Variants in CAMSAP2 observed in about 807,000 individuals in gnomAD.
The protein encoded by CAMSAP2 is calmodulin regulated spectrin associated protein family member 2.
CAMSAP2 carries 26 observed loss-of-function variants against 146.1 expected under a neutral mutation model. The ratio of observed to expected loss-of-function variants is 0.18; its 90% CI spans 0.13 to 0.25. The LOEUF (loss-of-function observed/expected upper bound fraction) is 0.25. Among genes scored for constraint, CAMSAP2 ranks in the 10% least tolerant of loss-of-function variants. The pLI, the probability that CAMSAP2 is intolerant of heterozygous loss-of-function variation, is 1.00. For synonymous variants in CAMSAP2, 499 were observed against 596.6 expected (o/e 0.84, Z 2.38); for missense variants, 1,381 against 1,759.3 (o/e 0.78, Z 3.85).
chr1:200,807,655 G>T (rs1666215721), intron 3 of CAMSAP2, 118 bp downstream of exon 3: 3 of 535,982 alleles, frequency 5.6e-6, no homozygotes, highest in Admixed American at 4.2e-5. Flanking sequence ...AACTTAAGTT[G>T]TAAAATACAC....
chr1:200,760,069 G>A (rs1386735204), intron 1 of CAMSAP2, among the ~76,000 whole-genome samples: 1 of 152,150 alleles, frequency 6.6e-6, no homozygotes, highest in Non-Finnish European at 1.5e-5. Context: ...GTAGTGGCTA[G>A]CAGGAAAGAG....
intron 2 of CAMSAP2, among the ~76,000 whole-genome samples, chr1:200,791,575 G>A (rs538789619): frequency 2.8e-4 from 42 of 152,024 alleles, no homozygotes; most frequent in Middle Eastern, 3.4e-3. Context: ...TTATGCTTTA[G>A]TTGGATAGCT....
intron 1 of CAMSAP2, among the ~76,000 whole-genome samples, chr1:200,746,836 T>A (rs186735008): frequency 3.3e-5 from 5 of 152,094 alleles, no homozygotes; most frequent in Non-Finnish European, 5.9e-5. Flanking sequence ...GCCAGGATGG[T>A]CTTGATCTCC....
At chr1:200,782,215 A>G (rs985250598) in intron 2 of CAMSAP2, among the ~76,000 whole-genome samples, 1 of 152,208 alleles carries the variant, frequency 6.6e-6, no homozygotes, top group Non-Finnish European at 1.5e-5. Context: ...GTGGTAAGAA[A>G]TGAAGTATTA....
intron 2 of CAMSAP2, among the ~76,000 whole-genome samples, chr1:200,769,415 G>C (rs372196452): frequency 2.6e-5 from 4 of 152,102 alleles, no homozygotes; most frequent in East Asian, 3.9e-4. Flanking sequence ...GGACACCAGT[G>C]GGGTGTCCTC....
intron 2 of CAMSAP2, among the ~76,000 whole-genome samples, chr1:200,767,634 T>A (rs1664992666): frequency 6.6e-6 from 1 of 152,168 alleles, no homozygotes; most frequent in South Asian, 2.1e-4. Context: ...ATTATATAAA[T>A]GTAGTATTGT....
chr1:200,841,091 G>A (rs1667311786), intron 6 of CAMSAP2, among the ~76,000 whole-genome samples: 1 of 151,988 alleles, frequency 6.6e-6, no homozygotes, highest in African/African-American at 2.4e-5. Context: ...TAACATTGTT[G>A]ACTTATTGAT....
intron 8 of CAMSAP2, among the ~76,000 whole-genome samples, chr1:200,846,902 T>C (rs1667472379): frequency 6.6e-6 from 1 of 152,198 alleles, no homozygotes; most frequent in Admixed American, 6.6e-5. Context: ...TATTTCAAAT[T>C]GGTGAGTTTC....
Position 200,832,333 on chromosome 1 carries a change from G to C in CAMSAP2, c.779G>C (p.Arg260Thr), listed in dbSNP as rs1401993770. Residue 260 changes from arginine (R) to threonine (T), a missense_variant, in exon 5 of 17, where the codon AGA (arginine) becomes ACA (threonine). Arg to Thr is a moderately conservative substitution (Grantham distance 71). This residue lies in a region of CAMSAP2 where 284 missense variants were observed against 406.9 expected (regional missense o/e 0.70). Coordinates refer to ENST00000358823, the MANE Select transcript of CAMSAP2 (RefSeq NM_203459.4). The surrounding 1 kb of genome is among the most constrained non-coding windows in gnomAD (Gnocchi z 4.2). The part of the protein sequence containing the change: ...LIHFYCPDVV[R>T]LEDICLKETM... ...CATTTTTACTGTCCTGATGTTGTCA[G>C]ATTAGAGGGTAAGTGTTCCATTGTA... 6.2e-7 allele frequency: 1 copy of C among 1,610,076 alleles called. No individual in the cohort carries two copies. The highest frequency in any genetic ancestry group is 8.5e-7 in the Non-Finnish European group (1 of 1,178,600).
rs765162660 is a variant in CAMSAP2, at chr1:200,815,599, A to G, written c.600A>G (p.Gln200=). Residue 200 remains glutamine (Q), a synonymous_variant, in exon 4 of 17, where the codon CAA becomes CAG. Coordinates refer to ENST00000358823, the MANE Select transcript of CAMSAP2 (RefSeq NM_203459.4). ...TGAAAGACATAATGGAACAAGAACAAAAACTGAAAGAACATCACACAGTTG... is the reference window on the plus strand; with the variant it reads ...TGAAAGACATAATGGAACAAGAACAGAAACTGAAAGAACATCACACAGTTG... ...EHLKDIMEQE[Q]KLKEHHTVEA... is the part of the protein sequence containing the mutation. 3 of 1,578,544 alleles carry G rather than the reference A, an allele frequency of 1.9e-6. No homozygotes were observed. The highest frequency in any genetic ancestry group is 2.6e-6 in the Non-Finnish European group (3 of 1,164,864).
At chr1:200,805,631 A>T (rs1666151815) in intron 2 of CAMSAP2, among the ~76,000 whole-genome samples, 1 of 152,222 alleles carries the variant, frequency 6.6e-6, no homozygotes, top group South Asian at 2.1e-4. Flanking sequence ...ACCTGTACTC[A>T]TTGATAGGTT....
intron 2 of CAMSAP2, among the ~76,000 whole-genome samples, chr1:200,796,919 G>C (rs1167893478): frequency 6.6e-6 from 1 of 151,908 alleles, no homozygotes; most frequent in Non-Finnish European, 1.5e-5. Flanking sequence ...AGAATATGCG[G>C]TGTTTGGTTT....
intron 4 of CAMSAP2, among the ~76,000 whole-genome samples, chr1:200,817,038 A>C (rs1666577575): frequency 7.0e-6 from 1 of 142,034 alleles, no homozygotes; most frequent in Admixed American, 6.8e-5. Flanking sequence ...GTATACCCAC[A>C]TACACACGTG....
At chr1:200,769,446 CT>C (rs979870147) in intron 2 of CAMSAP2, among the ~76,000 whole-genome samples, 2 of 152,152 alleles carry the variant, frequency 1.3e-5, no homozygotes, top group Admixed American at 6.5e-5. Flanking sequence ...CCAACATTAT[CT>C]ACCTGGAGAT....
Position 200,766,358 on chromosome 1 carries a change from C to T in CAMSAP2, c.399+5260C>T, listed in dbSNP as rs140465328. On this transcript the variant is annotated intron_variant, in intron 2 of 16. Coordinates refer to ENST00000358823, the MANE Select transcript of CAMSAP2 (RefSeq NM_203459.4). ...TAGAGACAGGGTCTCCCTATGTTGC[C>T]CAGGCTGATCTCAAACTCCTGGGCT... Among the ~76,000 whole-genome samples, 296 of 152,060 alleles carry T rather than the reference C, an allele frequency of 1.9e-3. 1 individual carries two copies. Among genetic ancestry groups the T allele is most frequent in the African/African-American group, 6.9e-3 (287 of 41,482 alleles).
At chr1:200,843,952 G>A (rs574286115) in intron 7 of CAMSAP2, among the ~76,000 whole-genome samples, 425 of 151,924 alleles carry the variant, frequency 2.8e-3, no homozygotes, top group African/African-American at 9.4e-3. Flanking sequence ...GCTCACTGCA[G>A]GCTCCATCTC....
intron 6 of CAMSAP2, among the ~76,000 whole-genome samples, chr1:200,840,131 A>G (rs1216299742): frequency 6.6e-6 from 1 of 152,170 alleles, no homozygotes; most frequent in Non-Finnish European, 1.5e-5. Flanking sequence ...GCCACCTACA[A>G]GACAGGTCCA....
intron 2 of CAMSAP2, among the ~76,000 whole-genome samples, chr1:200,769,527 G>A (rs1665055810): frequency 6.6e-6 from 1 of 152,134 alleles, no homozygotes; most frequent in South Asian, 2.1e-4. Context: ...CACCACACCA[G>A]TCACAAGTCC....
chr1:200,833,241 T>A (rs138268132), intron 6 of CAMSAP2, among the ~76,000 whole-genome samples: 1 of 152,094 alleles, frequency 6.6e-6, no homozygotes, highest in Non-Finnish European at 1.5e-5. Flanking sequence ...AAGTTTCTTT[T>A]ATAGTGCAAA....
Sources: gnomAD v4.1 joint callset for allele counts (sites outside exome capture counted in the v4.1 genomes callset) on GRCh38, gnomAD v4.1.1 for gene constraint, gnomAD v4.1.1 regional missense constraint, Gnocchi (gnomAD v3.1) non-coding constraint, MANE v1.5 for transcripts, NCBI Gene and HGNC (gene_info 2026-07-23, HGNC 2026-07-21) for gene names.